The following PDE3B variants were observed in gnomAD, a reference collection of about 807,000 sequenced individuals.
PDE3B encodes phosphodiesterase 3B.
A neutral mutation model predicts 116.8 loss-of-function variants in PDE3B; 66 were observed. The ratio of observed to expected loss-of-function variants is 0.56; its 90% confidence interval spans 0.46 to 0.69. The LOEUF is 0.69. PDE3B is among the 30% of genes least tolerant of loss of function. The pLI is 0.00. For synonymous variants in PDE3B, 595 were observed against 533.6 expected (o/e 1.12, Z -1.59); for missense variants, 1,384 against 1,368.1 (o/e 1.01, Z -0.18).
chr11:14,779,940 C>T (rs11493371), intron 2 of PDE3B, among the ~76,000 whole-genome samples: 6,004 of 149,982 alleles, frequency 0.04, 183 homozygotes, highest in Middle Eastern at 0.066. Flanking sequence ...TGCAGAGACA[C>T]GCATAGGCTC....
Position 14,822,177 on chromosome 11 carries a change from A to G in PDE3B, c.1807+2968A>G, listed in dbSNP as rs1195349985. On this transcript the variant is annotated intron_variant, in intron 7 of 15. Transcript: ENST00000282096. ...CTTGGCCTCCCAAAGCACTAGGATTATAGGTATGAGCTGTTATGCCTGGCC... is the reference window on the plus strand; with the variant it reads ...CTTGGCCTCCCAAAGCACTAGGATTGTAGGTATGAGCTGTTATGCCTGGCC... Among the ~76,000 whole-genome samples, 2 of 152,164 alleles carry G rather than the reference A, an allele frequency of 1.3e-5. 1 individual carries two copies. The highest frequency in any genetic ancestry group is 4.1e-4 in the South Asian group (2 of 4,830).
intron 11 of PDE3B, among the ~76,000 whole-genome samples, chr11:14,842,899 G>A (rs183324801): frequency 2.6e-5 from 4 of 152,234 alleles, no homozygotes; most frequent in Non-Finnish European, 5.9e-5. Flanking sequence ...TTCTTGTGAT[G>A]GTGTATTGAG....
intron 1 of PDE3B, among the ~76,000 whole-genome samples, chr11:14,662,122 C>T (rs556571610): frequency 9.2e-5 from 14 of 152,238 alleles, no homozygotes; most frequent in African/African-American, 2.2e-4. Flanking sequence ...TCCAGAGGAA[C>T]GATCAGACAG....
the PDE3B span, chr11:14,890,474 T>TCC: frequency 1.0e-6 from 1 of 978,910 alleles, no homozygotes. Flanking sequence ...CGTAAACTAT[T>TCC]CGTGAACCAT....
intron 1 of PDE3B, among the ~76,000 whole-genome samples, chr11:14,703,545 G>A (rs1855436809): frequency 6.6e-6 from 1 of 151,410 alleles, no homozygotes; most frequent in African/African-American, 2.4e-5. Context: ...GTGGCTACTA[G>A]TTTATTGAGA....
rs1237427684 is a variant in PDE3B at position 14,835,001 on chromosome 11, C to G, written c.2226C>G (p.Ala742=). 17 of 1,610,780 alleles carry G rather than the reference C, an allele frequency of 1.1e-5. No individual in the cohort carries two copies. The highest frequency in any genetic ancestry group is 1.4e-5 in the Non-Finnish European group (16 of 1,177,870). Residue 742 remains alanine, a synonymous_variant, in exon 11 of 16, where the codon GCC becomes GCG. Transcript: ENST00000282096. Reference sequence around the variant, plus strand: ...CTTTAGATCACAATCGTATACATGCCACAGATGTGCTACATGCAGTTTGGT... The same window carrying G: ...CTTTAGATCACAATCGTATACATGCGACAGATGTGCTACATGCAGTTTGGT... ...RDIPYHNRIH[A]TDVLHAVWYL...
In PDE3B at chr11:14,819,184, T is replaced by C. The variant is rs1200651501; in HGVS notation, c.1782T>C (p.Gly594=). The C allele has an allele frequency of 6.3e-7, 1 of 1,594,262 alleles. No homozygotes were observed. Among genetic ancestry groups the C allele is most frequent in the Non-Finnish European group, 8.6e-7 (1 of 1,166,886 alleles). The change falls in exon 7 of 16, where the codon GGT becomes GGC. Residue 594 remains glycine (G), a synonymous_variant. Coordinates refer to ENST00000282096, the MANE Select transcript of PDE3B (RefSeq NM_000922.4). ...LKYVSTSESD[G]TDCCSGKSGE... is the part of the protein sequence containing the mutation. ...ATGTTTCAACATCTGAATCAGATGG[T>C]ACAGATTGCTGCAGTGGAAAATCAG...
chr11:14,737,635 A>G (rs953091927), intron 1 of PDE3B, among the ~76,000 whole-genome samples: 1 of 152,112 alleles, frequency 6.6e-6, no homozygotes, highest in Non-Finnish European at 1.5e-5. Context: ...TTATTATTAT[A>G]CTTTAAGTTT....
At chr11:14,705,487 A>G (rs893600275) in intron 1 of PDE3B, among the ~76,000 whole-genome samples, 1 of 151,850 alleles carries the variant, frequency 6.6e-6, no homozygotes, top group African/African-American at 2.4e-5. Context: ...GGGTAGTGGT[A>G]GGAGAGTTTG....
chr11:14,675,456 A>G (rs1854506311), intron 1 of PDE3B, among the ~76,000 whole-genome samples: 2 of 152,152 alleles, frequency 1.3e-5, no homozygotes, highest in Admixed American at 1.3e-4. Context: ...ATGGTTATAT[A>G]CACTTATGTA....
intron 11 of PDE3B, among the ~76,000 whole-genome samples, chr11:14,843,064 C>A (rs1002803137): frequency 8.5e-5 from 13 of 152,188 alleles, no homozygotes; most frequent in African/African-American, 3.1e-4. Context: ...CCTTCTTATA[C>A]TTTTTAAAGG....
At chr11:14,765,636 T>C (rs1442537689) in intron 1 of PDE3B, among the ~76,000 whole-genome samples, 3 of 151,622 alleles carry the variant, frequency 2.0e-5, no homozygotes, top group African/African-American at 4.8e-5. Context: ...TTTCTGGTAT[T>C]GTATTATATA....
At chr11:14,725,309 CTCTTTCTT>C (rs10534250) in intron 1 of PDE3B, among the ~76,000 whole-genome samples, 18 of 147,418 alleles carry the variant, frequency 1.2e-4, no homozygotes, top group South Asian at 4.3e-4. Context: ...TTCTTTCTTT[CTCTTTCTT>C]TCTTTCTTTC....
chr11:14,714,266 G>A (rs1415704816), intron 1 of PDE3B, among the ~76,000 whole-genome samples: 1 of 151,976 alleles, frequency 6.6e-6, no homozygotes, highest in Non-Finnish European at 1.5e-5. Flanking sequence ...ATTTGTATTG[G>A]TTCTCATAGT....
intron 12 of PDE3B, 129 bp from the exon 13 acceptor site, chr11:14,858,914 T>C (rs1470807990): frequency 5.0e-6 from 3 of 601,562 alleles, no homozygotes; most frequent in Non-Finnish European, 8.5e-6. Context: ...TCACAGGTAC[T>C]AAAATACCTG....
intron 11 of PDE3B, among the ~76,000 whole-genome samples, chr11:14,837,238 A>C (rs573184203): frequency 1.3e-5 from 2 of 152,354 alleles, no homozygotes; most frequent in South Asian, 4.1e-4. Flanking sequence ...TGTGCAGAAC[A>C]CACTTAACTG....
At chr11:14,891,803 G>T in the PDE3B span, 1 of 1,408,762 alleles carries the variant, frequency 7.1e-7, no homozygotes, top group South Asian at 1.6e-5. Context: ...AAGGGGGCAC[G>T]GCGTCGAGGA....
intron 1 of PDE3B, among the ~76,000 whole-genome samples, chr11:14,659,355 A>T (rs1853816618): frequency 6.6e-6 from 1 of 152,222 alleles, no homozygotes; most frequent in Non-Finnish European, 1.5e-5. Context: ...ACAAGTGTTG[A>T]TAGAACATTT....
intron 1 of PDE3B, among the ~76,000 whole-genome samples, chr11:14,680,825 A>G (rs1290301514): frequency 6.6e-6 from 1 of 151,430 alleles, no homozygotes; most frequent in Non-Finnish European, 1.5e-5. Flanking sequence ...GAGTCTTCCA[A>G]TCCATGGACA....
Sources: gnomAD v4.1 joint callset for allele counts (sites outside exome capture counted in the v4.1 genomes callset) on GRCh38, gnomAD v4.1.1 for gene constraint, MANE v1.5 for transcripts, NCBI Gene and HGNC (gene_info 2026-07-23, HGNC 2026-07-21) for gene names.